Variants in PLEKHH2 observed in about 807,000 individuals in gnomAD.
PLEKHH2 encodes pleckstrin homology domain-containing family H member 2.
PLEKHH2 carries 129 observed loss-of-function variants against 187.9 expected under a neutral mutation model. That is an observed-to-expected ratio of 0.69 (90% CI 0.59 to 0.79). The LOEUF (loss-of-function observed/expected upper bound fraction) is 0.79. Ranked by LOEUF, PLEKHH2 falls within the 30% of genes least tolerant of loss-of-function variation. The pLI, the probability that PLEKHH2 is intolerant of heterozygous loss-of-function variation, is 0.00. For synonymous variants in PLEKHH2, 686 were observed against 605.6 expected, an observed-to-expected ratio of 1.13 and a Z score of -1.95; for missense variants, 2,076 against 1,751.2, an observed-to-expected ratio of 1.19 and a Z score of -3.31.
At chr2:43,747,405 C>A (rs1199823553) in intron 24 of PLEKHH2, among the ~76,000 whole-genome samples, 1 of 152,056 alleles carries the variant, frequency 6.6e-6, no homozygotes, top group Non-Finnish European at 1.5e-5. Flanking sequence ...GATGTTTATA[C>A]CAAGTTCAGA....
chr2:43,739,041 G>A (rs892769179), intron 20 of PLEKHH2, among the ~76,000 whole-genome samples: 1 of 152,054 alleles, frequency 6.6e-6, no homozygotes, highest in Admixed American at 6.6e-5. Flanking sequence ...ACAGGCATGT[G>A]CCAACACTCC....
Position 43,729,680 on chromosome 2 carries a change from A to G in PLEKHH2, c.2765A>G (p.Asn922Ser). 6.2e-7 allele frequency: 1 copy of G among 1,610,086 alleles called. No individual in the cohort carries two copies. The highest frequency in any genetic ancestry group is 8.5e-7 in the Non-Finnish European group (1 of 1,178,764). The change falls in exon 18 of 30, where the codon AAT (asparagine) becomes AGT (serine). Residue 922 changes from asparagine to serine, a missense_variant. Asn to Ser is a conservative substitution (Grantham distance 46). Coordinates refer to ENST00000282406, the MANE Select transcript of PLEKHH2 (RefSeq NM_172069.4). Reference protein sequence around the residue: ...YHLTVAAGSNNVNVGSEFEQL... With the variant: ...YHLTVAAGSNSVNVGSEFEQL... ...CTGACTGTTGCAGCTGGAAGCAACAATGTAAACGTTGGATCTGAATTTGAA... is the reference window on the plus strand; with the variant it reads ...CTGACTGTTGCAGCTGGAAGCAACAGTGTAAACGTTGGATCTGAATTTGAA...
chr2:43,761,139 T>C (rs975601846), intron 27 of PLEKHH2, among the ~76,000 whole-genome samples: 2 of 152,212 alleles, frequency 1.3e-5, no homozygotes, highest in African/African-American at 4.8e-5. Context: ...CTCAGGGTTT[T>C]GTATATATGA....
chr2:43,645,025 T>C (rs571439852), intron 2 of PLEKHH2, among the ~76,000 whole-genome samples: 2 of 152,260 alleles, frequency 1.3e-5, no homozygotes, highest in South Asian at 2.1e-4. Context: ...GTTTGGTGAA[T>C]GTAGAGTTCA....
intron 11 of PLEKHH2, among the ~76,000 whole-genome samples, chr2:43,709,308 C>T (rs533736148): frequency 2.0e-5 from 3 of 152,090 alleles, no homozygotes; most frequent in South Asian, 4.2e-4. Context: ...TGTGAGGTTA[C>T]TTTAAAAGTG....
chr2:43,675,324 A>C (rs1667691157), intron 2 of PLEKHH2: 15 of 1,282,828 alleles, frequency 1.2e-5, no homozygotes, highest in South Asian at 6.3e-5. Flanking sequence ...AATTTGGACT[A>C]GCCACATTTC....
intron 27 of PLEKHH2, among the ~76,000 whole-genome samples, chr2:43,760,488 A>G (rs1293342223): frequency 6.7e-6 from 1 of 149,052 alleles, no homozygotes; most frequent in African/African-American, 2.5e-5. Context: ...TCAGCCTTCC[A>G]AGTAGCTGGG....
At chr2:43,705,314 G>T (rs1271315707) in intron 9 of PLEKHH2, among the ~76,000 whole-genome samples, 2 of 146,218 alleles carry the variant, frequency 1.4e-5, no homozygotes, top group African/African-American at 5.1e-5. Flanking sequence ...GGAGTGGAGT[G>T]GTGTGATCAT....
chr2:43,673,589 A>G (rs945188657), intron 2 of PLEKHH2, among the ~76,000 whole-genome samples: 18 of 152,242 alleles, frequency 1.2e-4, no homozygotes, highest in African/African-American at 4.1e-4. Flanking sequence ...ATTCATAAAA[A>G]TAACACATAT....
intron 9 of PLEKHH2, among the ~76,000 whole-genome samples, chr2:43,704,770 C>T (rs1225273960): frequency 1.3e-5 from 2 of 150,252 alleles, no homozygotes; most frequent in Admixed American, 6.6e-5. Flanking sequence ...CTATTTCATT[C>T]GCTAAGAACT....
intron 15 of PLEKHH2, among the ~76,000 whole-genome samples, chr2:43,713,695 T>A (rs1397878661): frequency 2.0e-5 from 3 of 151,456 alleles, no homozygotes; most frequent in Admixed American, 1.3e-4. Flanking sequence ...AGTATTGACT[T>A]AATATTATTT....
At chr2:43,760,466 G>A (rs1672382134) in intron 27 of PLEKHH2, among the ~76,000 whole-genome samples, 2 of 148,926 alleles carry the variant, frequency 1.3e-5, no homozygotes, top group African/African-American at 5.0e-5. Flanking sequence ...AGGTTCAAGC[G>A]ATTCTCACGC....
At chr2:43,751,404 G>T (rs562966441) in intron 24 of PLEKHH2, among the ~76,000 whole-genome samples, 5 of 152,276 alleles carry the variant, frequency 3.3e-5, no homozygotes, top group South Asian at 2.1e-4. Context: ...TTTCCCCCCA[G>T]TAAGTTTACA....
intron 3 of PLEKHH2, among the ~76,000 whole-genome samples, chr2:43,688,268 T>C (rs1035115449): frequency 1.3e-5 from 2 of 152,246 alleles, no homozygotes; most frequent in African/African-American, 4.8e-5. Flanking sequence ...GAAGTTGTTA[T>C]TGTATGAATC....
intron 2 of PLEKHH2, among the ~76,000 whole-genome samples, chr2:43,670,386 A>G (rs1303242861): frequency 6.6e-6 from 1 of 152,206 alleles, no homozygotes; most frequent in African/African-American, 2.4e-5. Context: ...AATTTAGAGA[A>G]TGAGGTTCAG....
Position 43,697,176 on chromosome 2 carries a change from C to T in PLEKHH2, c.508C>T (p.Gln170Ter). 2 of 1,563,052 alleles carry T rather than the reference C, an allele frequency of 1.3e-6. No homozygotes were observed. The highest frequency in any genetic ancestry group is 1.4e-5 in the African/African-American group (1 of 72,578). The change falls in exon 7 of 30, where the codon CAA becomes TAA. Residue 170 changes from glutamine (Q) to a stop codon, truncating the protein, a stop_gained. Coordinates refer to ENST00000282406, the MANE Select transcript of PLEKHH2 (RefSeq NM_172069.4). LOFTEE classifies it high-confidence loss of function. ...RTMQSKLQEVQGKKSSTVSTL... is the reference protein window; with the variant it reads ...RTMQSKLQEV ...TTTGATTAACGATGTTGTAGAAGTT[C>T]AAGGAAAGAAGTCATCCACTGTCTC...
chr2:43,721,465 C>T (rs555478900), intron 16 of PLEKHH2, among the ~76,000 whole-genome samples: 25 of 152,222 alleles, frequency 1.6e-4, no homozygotes, highest in African/African-American at 5.5e-4. Context: ...CCACATGGGA[C>T]AGTTAGTATT....
chr2:43,643,164 TA>T (rs923187407), intron 1 of PLEKHH2, among the ~76,000 whole-genome samples: 3 of 152,064 alleles, frequency 2.0e-5, no homozygotes, highest in African/African-American at 7.2e-5. Context: ...TCATTAATCA[TA>T]AATGCTAATA....
chr2:43,718,991 G>A (rs1670344347), intron 15 of PLEKHH2, among the ~76,000 whole-genome samples: 1 of 152,202 alleles, frequency 6.6e-6, no homozygotes, highest in Non-Finnish European at 1.5e-5. Context: ...AAAAGAAAAT[G>A]TGTTTTACTT....
Sources: allele counts gnomAD v4.1 joint callset (sites outside exome capture counted in the v4.1 genomes callset), GRCh38; gene constraint gnomAD v4.1.1; transcripts MANE v1.5; gene names NCBI Gene and HGNC (gene_info 2026-07-23, HGNC 2026-07-21).